EXOC4: variants seen among roughly 807,000 people sequenced by gnomAD.
The protein encoded by EXOC4 is SEC8-like 1.
Under a neutral mutation model 107.2 loss-of-function variants are expected in EXOC4, and 71 were observed. The ratio of observed to expected loss-of-function variants is 0.66; its 90% CI spans 0.55 to 0.81. The LOEUF is 0.81. Ranked by LOEUF, EXOC4 falls within the 30% of genes least tolerant of loss-of-function variation. The pLI, the probability that EXOC4 is intolerant of heterozygous loss-of-function variation, is 0.00. For synonymous variants in EXOC4, 456 were observed against 441.2 expected (o/e 1.03, Z -0.42); for missense variants, 1,108 against 1,189.6 (o/e 0.93, Z 1.01).
At chr7:133,420,003 G>T (rs1797566809) in intron 7 of EXOC4, among the ~76,000 whole-genome samples, 2 of 145,672 alleles carry the variant, frequency 1.4e-5, no homozygotes, top group Non-Finnish European at 1.5e-5. Flanking sequence ...AAGTTTTAGG[G>T]TACATGTGCA....
chr7:133,601,609 A>G (rs1281414813), intron 9 of EXOC4, among the ~76,000 whole-genome samples: 1 of 151,950 alleles, frequency 6.6e-6, no homozygotes, highest in African/African-American at 2.4e-5. Context: ...TACTTCTTTC[A>G]TAGTTGGAAA....
chr7:133,403,895 A>C (rs1797149520), intron 7 of EXOC4, among the ~76,000 whole-genome samples: 2 of 152,080 alleles, frequency 1.3e-5, no homozygotes, highest in Admixed American at 1.3e-4. Context: ...CAGTTACTAA[A>C]GTCTAACAGT....
intron 14 of EXOC4, among the ~76,000 whole-genome samples, chr7:133,982,854 C>T (rs1794023076): frequency 6.6e-6 from 1 of 152,286 alleles, no homozygotes; most frequent in Non-Finnish European, 1.5e-5. Flanking sequence ...ATACTTGGTA[C>T]TTACCTGCTG....
At chr7:133,887,153 A>G (rs1320299414) in intron 11 of EXOC4, among the ~76,000 whole-genome samples, 2 of 152,196 alleles carry the variant, frequency 1.3e-5, no homozygotes, top group Non-Finnish European at 2.9e-5. Flanking sequence ...AGGTGTTCGC[A>G]GTCATCCCTT....
At chr7:133,520,634 C>T (rs1009012898) in intron 9 of EXOC4, among the ~76,000 whole-genome samples, 2 of 152,062 alleles carry the variant, frequency 1.3e-5, no homozygotes, top group Non-Finnish European at 2.9e-5. Flanking sequence ...AATGCAGCTA[C>T]CACACATTGT....
chr7:133,380,871 A>G (rs987750238), intron 7 of EXOC4, among the ~76,000 whole-genome samples: 1 of 152,204 alleles, frequency 6.6e-6, no homozygotes, highest in African/African-American at 2.4e-5. Context: ...TGACATAGAA[A>G]TAACATTTTA....
At position 133,758,359 on chromosome 7, in the gene EXOC4, G is replaced by A. The variant is rs116152266; in HGVS notation, c.1515-58966G>A. ...TCACCATGTTGGCCAGAGTGGTGTC[G>A]AATTCCAGACCGCAAGTGATTCTCC... On this transcript the variant is annotated intron_variant, in intron 10 of 17. Coordinates refer to ENST00000253861, the MANE Select transcript of EXOC4 (RefSeq NM_021807.4). 8.9e-3 allele frequency among the ~76,000 whole-genome samples: 1,360 copies of A among 152,182 alleles called. 23 individuals carry two copies. Among genetic ancestry groups the A allele is most frequent in the African/African-American group, 0.03 (1,255 of 41,518 alleles).
At chr7:134,036,269 T>A (rs1795386736) in intron 17 of EXOC4, among the ~76,000 whole-genome samples, 1 of 152,146 alleles carries the variant, frequency 6.6e-6, no homozygotes, top group East Asian at 1.9e-4. Context: ...AGCATCCTTC[T>A]CTCCAGCTTA....
chr7:133,864,190 T>G (rs1345710536), intron 11 of EXOC4, among the ~76,000 whole-genome samples: 1 of 152,200 alleles, frequency 6.6e-6, no homozygotes, highest in Non-Finnish European at 1.5e-5. Flanking sequence ...CCCACTTGTT[T>G]GTATGTGGAA....
At position 133,841,986 on chromosome 7, in the gene EXOC4, C is replaced by T. The variant is rs558118612; in HGVS notation, c.1734+24442C>T. Reference sequence around the variant, plus strand: ...GCTCCATCCATGTTGCTGCAAAGAACGTGAGTTCATTCTTTTTTAGTATTC... The same window carrying T: ...GCTCCATCCATGTTGCTGCAAAGAATGTGAGTTCATTCTTTTTTAGTATTC... On this transcript the variant is annotated intron_variant, in intron 11 of 17. Transcript: ENST00000253861. Among the ~76,000 whole-genome samples the T allele has an allele frequency of 3.9e-5, 6 of 152,276 alleles. No individual in the cohort carries two copies. The South Asian group carries it at 1.2e-3, about 32-fold the overall frequency.
chr7:133,593,719 G>T (rs1395216824), intron 9 of EXOC4, among the ~76,000 whole-genome samples: 1 of 152,138 alleles, frequency 6.6e-6, no homozygotes, highest in Non-Finnish European at 1.5e-5. Flanking sequence ...CCTGCACCTT[G>T]CTTTTCTACA....
At chr7:133,661,648 G>T (rs1585061853) in intron 10 of EXOC4, among the ~76,000 whole-genome samples, 3 of 101,514 alleles carry the variant, frequency 3.0e-5, no homozygotes, top group African/African-American at 3.9e-5. Context: ...TTCTTTACCT[G>T]TTAAATTCTC....
At chr7:133,585,339 C>G (rs896823716) in intron 9 of EXOC4, among the ~76,000 whole-genome samples, 3 of 152,166 alleles carry the variant, frequency 2.0e-5, no homozygotes, top group African/African-American at 7.2e-5. Context: ...AAGTGTATAG[C>G]ACATGGTTAC....
At chr7:133,629,329 C>T (rs755566970) in intron 9 of EXOC4, among the ~76,000 whole-genome samples, 5 of 152,090 alleles carry the variant, frequency 3.3e-5, no homozygotes, top group Non-Finnish European at 7.3e-5. Flanking sequence ...TTTACACATG[C>T]AGCAACTTTG....
At chr7:133,769,068 GA>G (rs1264393224) in intron 10 of EXOC4, among the ~76,000 whole-genome samples, 1 of 151,924 alleles carries the variant, frequency 6.6e-6, no homozygotes, top group Non-Finnish European at 1.5e-5. Flanking sequence ...CTCTGAACAT[GA>G]CTTTCCATAT....
At chr7:133,420,591 A>G (rs546413213) in intron 7 of EXOC4, among the ~76,000 whole-genome samples, 2 of 152,186 alleles carry the variant, frequency 1.3e-5, no homozygotes, top group Admixed American at 1.3e-4. Flanking sequence ...GCCGAAGGGG[A>G]GGGAAACACA....
chr7:133,573,541 GCTGTGGTAATA>G (rs1801067579), intron 9 of EXOC4, among the ~76,000 whole-genome samples: 4 of 152,174 alleles, frequency 2.6e-5, no homozygotes, highest in African/African-American at 9.7e-5. Flanking sequence ...TACCTGGAAA[GCTGTGGTAATA>G]CGCCCCAAAG....
chr7:133,393,956 A>G (rs376368242), intron 7 of EXOC4, among the ~76,000 whole-genome samples: 1 of 152,220 alleles, frequency 6.6e-6, no homozygotes, highest in East Asian at 1.9e-4. Context: ...CCAGGAGACC[A>G]GTTCCTCCTG....
chr7:134,071,638 T>C, the EXOC4 span, among the ~76,000 whole-genome samples: 1 of 152,152 alleles, frequency 6.6e-6, no homozygotes, highest in Non-Finnish European at 1.5e-5. Context: ...GCCCTTCTTA[T>C]CTCCTCAGGG....
Sources: allele counts gnomAD v4.1 joint callset (sites outside exome capture counted in the v4.1 genomes callset), GRCh38; gene constraint gnomAD v4.1.1; transcripts MANE v1.5; gene names NCBI Gene and HGNC (gene_info 2026-07-23, HGNC 2026-07-21).